The following DLG2 variants were observed in gnomAD, a reference collection of about 807,000 sequenced individuals.
DLG2 encodes the protein discs large MAGUK scaffold protein 2.
A neutral mutation model predicts 132.5 loss-of-function variants in DLG2; 45 were observed. The observed-to-expected ratio is 0.34, with a 90% CI of 0.27 to 0.44. The LOEUF (loss-of-function observed/expected upper bound fraction) is 0.44. Among genes scored for constraint, DLG2 ranks in the 20% least tolerant of loss-of-function variants. DLG2 has a pLI of 1.00. For missense variants in DLG2, 1,045 were observed against 1,196.9 expected, an observed-to-expected ratio of 0.87 and a Z score of 1.87; for synonymous variants, 424 against 419.6, an observed-to-expected ratio of 1.01 and a Z score of -0.13.
At chr11:84,483,451 T>G (rs1178562657) in intron 7 of DLG2, among the ~76,000 whole-genome samples, 2 of 12,486 alleles carry the variant, frequency 1.6e-4, no homozygotes, top group African/African-American at 3.3e-4. Context: ...AAAAAAAAAA[T>G]TAAACCCTGC....
rs533576298 is a variant in DLG2 at position 85,146,060 on chromosome 11, C to A, written c.282+8496G>T. 1.3e-4 allele frequency among the ~76,000 whole-genome samples: 20 copies of A among 152,228 alleles called. No individual in the cohort carries two copies. In the South Asian group the frequency reaches 4.1e-3, roughly 32 times the overall value. ...GAAGCCATATCAACACTGGGAGATA[C>A]CGCAGAACTAGTAATGCTGTAATTC... On this transcript the variant is annotated intron_variant, in intron 5 of 27. Coordinates refer to ENST00000376104, the MANE Select transcript of DLG2 (RefSeq NM_001142699.3).
intron 11 of DLG2, among the ~76,000 whole-genome samples, chr11:84,055,513 C>T (rs937527195): frequency 4.6e-5 from 7 of 152,040 alleles, no homozygotes; most frequent in Non-Finnish European, 1.0e-4. Flanking sequence ...TCATCTCAGC[C>T]ATATCATTTC....
At chr11:83,977,884 G>A (rs539967985) in intron 12 of DLG2, among the ~76,000 whole-genome samples, 1 of 152,162 alleles carries the variant, frequency 6.6e-6, no homozygotes, top group South Asian at 2.1e-4. Flanking sequence ...TGCACTATGA[G>A]TTACTACGGG....
chr11:83,507,135 G>A (rs953340456), intron 21 of DLG2, among the ~76,000 whole-genome samples: 1 of 152,060 alleles, frequency 6.6e-6, no homozygotes, highest in Non-Finnish European at 1.5e-5. Context: ...TAAACTCCTT[G>A]CCTCTCACAA....
At chr11:84,953,657 C>T (rs2051244143) in intron 6 of DLG2, among the ~76,000 whole-genome samples, 1 of 152,112 alleles carries the variant, frequency 6.6e-6, no homozygotes, top group Non-Finnish European at 1.5e-5. Context: ...AAGTTTAGCA[C>T]CCGGCATATG....
chr11:85,304,198 C>T (rs1833184689), intron 3 of DLG2, among the ~76,000 whole-genome samples: 1 of 152,088 alleles, frequency 6.6e-6, no homozygotes, highest in South Asian at 2.1e-4. Flanking sequence ...CTATGGCAAA[C>T]CAGACAGCAG....
chr11:84,621,781 T>A (rs557645507), intron 6 of DLG2, among the ~76,000 whole-genome samples: 3 of 152,018 alleles, frequency 2.0e-5, no homozygotes, highest in Non-Finnish European at 4.4e-5. Context: ...AACTGTGTCA[T>A]AGGAATAGCG....
chr11:83,466,589 A>G, intron 26 of DLG2, 119 bp downstream of exon 26: 2 of 570,712 alleles, frequency 3.5e-6, no homozygotes, highest in Middle Eastern at 3.0e-4. Flanking sequence ...AGAATGCTGA[A>G]AAATCAACAA....
intron 19 of DLG2, among the ~76,000 whole-genome samples, chr11:83,596,186 T>A (rs1462430879): frequency 1.3e-5 from 2 of 152,214 alleles, no homozygotes; most frequent in African/African-American, 4.8e-5. Flanking sequence ...ATCATCAAAG[T>A]TGGCTTCAAT....
chr11:85,479,548 CA>C (rs1469506793), intron 3 of DLG2, among the ~76,000 whole-genome samples: 2 of 152,154 alleles, frequency 1.3e-5, no homozygotes, highest in Non-Finnish European at 2.9e-5. Flanking sequence ...ACTTATGAAT[CA>C]GTATAAAAAA....
intron 11 of DLG2, among the ~76,000 whole-genome samples, chr11:84,017,986 T>C (rs980678302): frequency 6.6e-6 from 1 of 152,008 alleles, no homozygotes; most frequent in African/African-American, 2.4e-5. Context: ...TATTTTATCA[T>C]TGGTTTTCTG....
chr11:85,152,126 C>T (rs1427662191), intron 5 of DLG2, among the ~76,000 whole-genome samples: 1 of 151,990 alleles, frequency 6.6e-6, no homozygotes, highest in Non-Finnish European at 1.5e-5. Context: ...TATAAATATA[C>T]ACTATAGCCT....
At position 83,668,000 on chromosome 11, in the gene DLG2, A is replaced by G. The variant is rs1239413585; in HGVS notation, c.1826-34675T>C. Among the ~76,000 whole-genome samples the G allele has an allele frequency of 2.1e-5, 3 of 143,840 alleles. 1 individual carries two copies. Among genetic ancestry groups the G allele is most frequent in the South Asian group, 4.3e-4 (2 of 4,642 alleles). The allele number at this position is 143,840 out of a possible 152,430, so 94.4% of individuals were successfully genotyped here. ...CAAAAAAAAAAAAAAAAAAAAAAGA[A>G]ATTAAAGGAAGAGGGAAATGACGGC... On this transcript the variant is annotated intron_variant, in intron 18 of 27. Transcript: ENST00000376104.
chr11:85,033,810 T>C (rs145934428), intron 6 of DLG2, among the ~76,000 whole-genome samples: 1 of 152,370 alleles, frequency 6.6e-6, no homozygotes, highest in East Asian at 1.9e-4. Flanking sequence ...TCCTCCATGA[T>C]TATCTGATAT....
At chr11:84,616,983 CTT>C (rs199665834) in intron 6 of DLG2, among the ~76,000 whole-genome samples, 1 of 142,252 alleles carries the variant, frequency 7.0e-6, no homozygotes, top group Admixed American at 7.0e-5. Flanking sequence ...TCTTCCCTTT[CTT>C]TTTTTTTTTT....
chr11:83,979,489 A>G lies in DLG2; in HGVS notation c.1056+1017T>C, dbSNP rs577585964. Among the ~76,000 whole-genome samples, 4 of 152,302 alleles carry G rather than the reference A, an allele frequency of 2.6e-5. No homozygotes were observed. In the South Asian group the frequency reaches 6.2e-4, roughly 24 times the overall value. On this transcript the variant is annotated intron_variant, in intron 12 of 27. Coordinates refer to ENST00000376104, the MANE Select transcript of DLG2 (RefSeq NM_001142699.3). ...CTGTAGATTTTGGCATACAACAGTA[A>G]ATGGACATAAGGCAGTTTTATTAAC...
intron 6 of DLG2, among the ~76,000 whole-genome samples, chr11:84,865,741 T>A (rs986842908): frequency 6.6e-6 from 1 of 152,202 alleles, no homozygotes; most frequent in Non-Finnish European, 1.5e-5. Flanking sequence ...CTCTTATATG[T>A]GAATTAGCCA....
chr11:85,097,309 G>T (rs1298406677), intron 6 of DLG2, among the ~76,000 whole-genome samples: 1 of 152,072 alleles, frequency 6.6e-6, no homozygotes, highest in African/African-American at 2.4e-5. Flanking sequence ...AGCCCCGTCA[G>T]GCAGGGGACT....
chr11:84,167,248 C>T (rs555366478), intron 8 of DLG2, among the ~76,000 whole-genome samples: 2 of 152,304 alleles, frequency 1.3e-5, no homozygotes, highest in African/African-American at 4.8e-5. Context: ...ACTGATGTCA[C>T]ACATTGTCCT....
Sources: gnomAD v4.1 joint callset for allele counts (sites outside exome capture counted in the v4.1 genomes callset) on GRCh38, gnomAD v4.1.1 for gene constraint, MANE v1.5 for transcripts, NCBI Gene and HGNC (gene_info 2026-07-23, HGNC 2026-07-21) for gene names.